The following RTKN2 variants were observed in gnomAD, a reference collection of about 807,000 sequenced individuals.
RTKN2 encodes the protein rhotekin 2.
RTKN2 carries 69 observed loss-of-function variants against 71.5 expected under a neutral mutation model. The ratio of observed to expected loss-of-function variants is 0.96; its 90% CI spans 0.79 to 1.18. The LOEUF is 1.18. Among genes scored for constraint, RTKN2 ranks in the 50% most tolerant of loss-of-function variants. RTKN2 has a pLI of 0.00. For missense variants in RTKN2, 724 were observed against 719.7 expected (o/e 1.01, Z -0.07); for synonymous variants, 236 against 236.5 (o/e 1.00, Z 0.02).
intron 4 of RTKN2, 23 bp downstream of exon 4, chr10:62,241,119 T>A (rs1368158): frequency 1.4e-6 from 2 of 1,388,906 alleles, no homozygotes; most frequent in Non-Finnish European, 2.0e-6. Flanking sequence ...AACATTTCAA[T>A]TACAAATTAA....
At chr10:62,192,950 G>T (rs796083533), downstream of RTKN2, among the ~76,000 whole-genome samples, 2 of 152,020 alleles carry the variant, frequency 1.3e-5, no homozygotes, top group Admixed American at 1.3e-4. Flanking sequence ...GTATGAGTAT[G>T]TATGTATGTA....
intron 6 of RTKN2, among the ~76,000 whole-genome samples, chr10:62,226,443 C>T (rs1275538391): frequency 1.3e-5 from 2 of 152,156 alleles, no homozygotes; most frequent in African/African-American, 4.8e-5. Context: ...TCATTACAGA[C>T]CAAAGATAAC....
intron 9 of RTKN2, among the ~76,000 whole-genome samples, chr10:62,207,721 C>T (rs530823427): frequency 6.6e-6 from 1 of 152,124 alleles, no homozygotes; most frequent in East Asian, 1.9e-4. Context: ...GCCTAGTACT[C>T]AGTAAATGGC....
intron 2 of RTKN2, among the ~76,000 whole-genome samples, chr10:62,256,196 A>AT (rs1444542426): frequency 4.6e-5 from 7 of 151,536 alleles, no homozygotes; most frequent in African/African-American, 1.5e-4. Context: ...ATCTTTCTGT[A>AT]TTTTTTTGTA....
chr10:62,261,006 A>C (rs1842762621), intron 2 of RTKN2, among the ~76,000 whole-genome samples: 1 of 152,150 alleles, frequency 6.6e-6, no homozygotes, highest in Non-Finnish European at 1.5e-5. Context: ...ACTATTCTAA[A>C]CTTCTCATGC....
At chr10:62,210,579 C>T (rs899354485) in intron 9 of RTKN2, among the ~76,000 whole-genome samples, 2 of 152,078 alleles carry the variant, frequency 1.3e-5, no homozygotes, top group Non-Finnish European at 2.9e-5. Context: ...AAAAGTGCTT[C>T]GTCTGAAGTC....
intron 9 of RTKN2, among the ~76,000 whole-genome samples, chr10:62,212,909 AC>A (rs774781026): frequency 2.0e-5 from 3 of 152,144 alleles, no homozygotes; most frequent in Non-Finnish European, 4.4e-5. Context: ...CTCATCTGCT[AC>A]CCCTGGAGGG....
intron 1 of RTKN2, 59 bp downstream of exon 1, chr10:62,268,492 G>A (rs1842906355): frequency 6.8e-7 from 1 of 1,472,150 alleles, no homozygotes; most frequent in Non-Finnish European, 9.3e-7. Flanking sequence ...AAGCAAATGC[G>A]CGAGGAACAG....
rs1211827675 is a variant in RTKN2, at chr10:62,194,264, A to C, written c.*3644T>G. The C allele has an allele frequency of 1.0e-6, 1 of 984,626 alleles. No homozygotes were observed. The highest frequency in any genetic ancestry group is 6.2e-5 in the Admixed American group (1 of 16,260). 61.0% of individuals were successfully genotyped at this position (984,626 alleles called of 1,614,324 possible). A position where few individuals can be genotyped will look rare whatever the true frequency, so the allele number is the denominator to read the frequency against. ...ACATCTTTCCCAGAGTTAACTAAGA[A>C]CATCTATGATCCAGAATATGCAGAT... On this transcript the variant is annotated 3_prime_UTR_variant, in exon 12 of 12. Transcript: ENST00000373789.
rs537851039 is a variant in RTKN2 at position 62,219,869 on chromosome 10, A to C, written c.782-1568T>G. Reference sequence around the variant, plus strand: ...AAAAAAGTTACTTCAAAAAACATTAAGATAGTCCTTTAATGAAGATACCTA... The same window carrying C: ...AAAAAAGTTACTTCAAAAAACATTACGATAGTCCTTTAATGAAGATACCTA... On this transcript the variant is annotated intron_variant, in intron 7 of 11. Transcript: ENST00000373789. 1.4e-4 allele frequency among the ~76,000 whole-genome samples: 22 copies of C among 152,342 alleles called. No individual in the cohort carries two copies. The South Asian group carries it at 3.9e-3, about 27-fold the overall frequency.
intron 3 of RTKN2, 56 bp downstream of exon 3, chr10:62,245,943 A>G (rs553947135): frequency 9.1e-5 from 99 of 1,084,236 alleles, no homozygotes; most frequent in Non-Finnish European, 1.3e-4. Context: ...AAAATCCACC[A>G]TGTAGTTACG....
chr10:62,203,342 AT>A (rs35304270), intron 10 of RTKN2, among the ~76,000 whole-genome samples: 106,478 of 143,618 alleles, frequency 0.74, 39,385 homozygotes, highest in East Asian at 0.9. Flanking sequence ...GATCTGCTGA[AT>A]TTTTTTTTTT....
At chr10:62,247,529 A>T (rs1322919048) in intron 2 of RTKN2, among the ~76,000 whole-genome samples, 2 of 151,994 alleles carry the variant, frequency 1.3e-5, no homozygotes, top group African/African-American at 4.8e-5. Flanking sequence ...AGTGAAACAT[A>T]CAAATACTCA....
At chr10:62,226,024 C>T (rs893127837) in intron 6 of RTKN2, among the ~76,000 whole-genome samples, 25 of 152,034 alleles carry the variant, frequency 1.6e-4, no homozygotes, top group East Asian at 1.3e-3. Context: ...CCTCATGATC[C>T]ACCTGCCTTG....
At position 62,218,266 on chromosome 10, in the gene RTKN2, T is replaced by G. The variant is rs757695144; in HGVS notation, c.817A>C (p.Met273Leu). 1 of 1,613,260 alleles carries G rather than the reference T, an allele frequency of 6.2e-7. No homozygotes were observed. Among genetic ancestry groups the G allele is most frequent in the Non-Finnish European group, 8.5e-7 (1 of 1,179,674 alleles). Residue 273 changes from methionine to leucine, a missense_variant, in exon 8 of 12, where the codon ATG (methionine) becomes CTG (leucine). By Grantham distance (15) the Met-to-Leu change is conservative. Transcript: ENST00000373789. ...GGCTGGGCAACTAGTCGGCAGCACA[T>G]GTTGCCATACAGGGGAAGCCAAAAT... is the stretch of plus-strand genomic sequence containing the variant. ...SSFWLPLYGN[M>L]CCRLVAQPAC...
intron 2 of RTKN2, chr10:62,259,100 T>C: frequency 2.4e-6 from 1 of 409,394 alleles, no homozygotes; most frequent in South Asian, 1.8e-5. Context: ...TGCACTGTTC[T>C]CATGATAGTG....
intron 10 of RTKN2, among the ~76,000 whole-genome samples, chr10:62,203,026 G>A (rs1841475826): frequency 6.6e-6 from 1 of 152,102 alleles, no homozygotes; most frequent in Non-Finnish European, 1.5e-5. Flanking sequence ...TGGGCGTGGT[G>A]GCACATGCCT....
intron 3 of RTKN2, among the ~76,000 whole-genome samples, chr10:62,245,304 A>T (rs1363431126): frequency 6.6e-6 from 1 of 152,138 alleles, no homozygotes; most frequent in Non-Finnish European, 1.5e-5. Flanking sequence ...ATAGATAAAC[A>T]AACAGATATT....
At chr10:62,258,435 CCACA>C (rs565550070) in intron 2 of RTKN2, among the ~76,000 whole-genome samples, 2 of 152,112 alleles carry the variant, frequency 1.3e-5, no homozygotes, top group East Asian at 3.8e-4. Context: ...CTAAAGAAAT[CCACA>C]CACAGTTTTG....
Sources: gnomAD v4.1 joint callset for allele counts (sites outside exome capture counted in the v4.1 genomes callset) on GRCh38, gnomAD v4.1.1 for gene constraint, MANE v1.5 for transcripts, NCBI Gene and HGNC (gene_info 2026-07-23, HGNC 2026-07-21) for gene names.